Variants in RAB5A observed in about 807,000 individuals in gnomAD.
The protein encoded by RAB5A is RAB5A, member RAS oncogene family.
RAB5A carries 8 observed loss-of-function variants against 25.7 expected under a neutral mutation model. The observed-to-expected ratio is 0.31, with a 90% CI of 0.18 to 0.56. RAB5A has a LOEUF of 0.56. RAB5A is among the 20% of genes least tolerant of loss of function. RAB5A has a pLI of 0.91. For synonymous variants in RAB5A, 98 were observed against 89.8 expected (o/e 1.09, Z -0.52); for missense variants, 192 against 259.7 (o/e 0.74, Z 1.79).
intron 2 of RAB5A, among the ~76,000 whole-genome samples, chr3:19,960,111 T>G (rs1696564139): frequency 1.3e-5 from 2 of 152,118 alleles, no homozygotes; most frequent in Admixed American, 1.3e-4. Context: ...TTTGGCAAAC[T>G]GTTTCTCCCT....
At chr3:19,969,488 A>C (rs1696713162) in intron 2 of RAB5A, among the ~76,000 whole-genome samples, 2 of 152,186 alleles carry the variant, frequency 1.3e-5, no homozygotes, top group South Asian at 4.1e-4. Context: ...GTTTTTCTAA[A>C]CATTTATAAT....
Position 19,983,768 on chromosome 3 carries a change from G to A in RAB5A, c.593G>A (p.Gly198Glu), listed in dbSNP as rs1382009772. Residue 198 changes from glycine (G) to glutamate (E), a missense_variant, in exon 6 of 6, where the codon GGA becomes GAA. This residue lies in a region of RAB5A where 121 missense variants were observed against 135.7 expected (regional missense o/e 0.89). Coordinates refer to ENST00000273047, the MANE Select transcript of RAB5A (RefSeq NM_004162.5). ...GGAGCAAATTCTGCCAGAGGAAGAGGAGTAGACCTTACCGAACCCACACAA... is the reference window on the plus strand; with the variant it reads ...GGAGCAAATTCTGCCAGAGGAAGAGAAGTAGACCTTACCGAACCCACACAA... ...NPGANSARGR[G>E]VDLTEPTQPT... 3 of 1,612,594 alleles carry A rather than the reference G, an allele frequency of 1.9e-6. No individual in the cohort carries two copies. Among genetic ancestry groups the A allele is most frequent in the Non-Finnish European group, 2.5e-6 (3 of 1,179,098 alleles).
At chr3:19,970,885 T>C (rs986577458) in intron 2 of RAB5A, among the ~76,000 whole-genome samples, 42 of 152,134 alleles carry the variant, frequency 2.8e-4, no homozygotes, top group African/African-American at 9.7e-4. Flanking sequence ...CCGAGTTTTA[T>C]AGGGGAAATT....
At chr3:19,974,025 C>T (rs1161559470) in intron 2 of RAB5A, among the ~76,000 whole-genome samples, 2 of 152,118 alleles carry the variant, frequency 1.3e-5, no homozygotes, top group African/African-American at 4.8e-5. Flanking sequence ...GCTTGAATAT[C>T]ACACCTTGAG....
In RAB5A at chr3:19,951,680, G is replaced by A. The variant is rs571478178; in HGVS notation, c.163+619G>A. Among the ~76,000 whole-genome samples the A allele has an allele frequency of 1.1e-3, 153 of 140,472 alleles. 1 individual carries two copies. Among genetic ancestry groups the A allele is most frequent in the Non-Finnish European group, 1.7e-3 (111 of 65,676 alleles). 92.2% of individuals were successfully genotyped at this position (140,472 alleles called of 152,430 possible). On this transcript the variant is annotated intron_variant, in intron 2 of 5. Transcript: ENST00000273047. ...CCACCAAGTAGTTGGACCTAAGGGT[G>A]CATGCCACCATGCCAGGCAAGTTTT...
intron 5 of RAB5A, chr3:19,978,851 CATT>C (rs1374903311): frequency 1.3e-5 from 2 of 152,228 alleles, no homozygotes; most frequent in African/African-American, 4.8e-5. Flanking sequence ...TTAATGTAAA[CATT>C]ATAAGGAAGA....
intron 2 of RAB5A, among the ~76,000 whole-genome samples, chr3:19,969,030 GGTTTTTTTT>G (rs1458744988): frequency 8.9e-6 from 1 of 112,150 alleles, no homozygotes; most frequent in African/African-American, 4.5e-5. Context: ...TTTTGGTTTT[GGTTTTTTTT>G]TTTTGGTTTT....
intron 4 of RAB5A, among the ~76,000 whole-genome samples, chr3:19,977,435 G>A (rs528635089): frequency 1.3e-4 from 20 of 152,270 alleles, no homozygotes; most frequent in Admixed American, 1.2e-3. Flanking sequence ...CTAGAAGGGC[G>A]GTTGTGGCTG....
intron 2 of RAB5A, chr3:19,970,464 T>C (rs1262199445): frequency 9.3e-6 from 4 of 430,492 alleles, no homozygotes; most frequent in African/African-American, 4.1e-5. Flanking sequence ...GCTGATCACG[T>C]AGCTCAGAGG....
intron 4 of RAB5A, among the ~76,000 whole-genome samples, chr3:19,976,546 A>T (rs1450810389): frequency 6.6e-6 from 1 of 152,072 alleles, no homozygotes; most frequent in Non-Finnish European, 1.5e-5. Context: ...TTAGCTGGAG[A>T]TGGTAGTGCA....
intron 2 of RAB5A, among the ~76,000 whole-genome samples, chr3:19,963,376 C>CCCCCCG (rs869290360): frequency 1.8e-4 from 16 of 86,832 alleles, no homozygotes; most frequent in South Asian, 1.6e-3. Flanking sequence ...CCCCCCCCCC[C>CCCCCCG]CCGACTTATT....
chr3:19,975,309 CTG>C (rs1323717554), intron 2 of RAB5A, among the ~76,000 whole-genome samples: 1 of 151,602 alleles, frequency 6.6e-6, no homozygotes, highest in Non-Finnish European at 1.5e-5. Flanking sequence ...GTTTTTCAAT[CTG>C]TGATTTCACT....
intron 2 of RAB5A, among the ~76,000 whole-genome samples, chr3:19,975,145 G>A (rs1258875870): frequency 6.6e-6 from 1 of 151,158 alleles, no homozygotes; most frequent in African/African-American, 2.4e-5. Context: ...AGAATTGCTT[G>A]AACCCGGGAG....
At chr3:19,972,325 G>C (rs1037456232) in intron 2 of RAB5A, among the ~76,000 whole-genome samples, 2 of 152,118 alleles carry the variant, frequency 1.3e-5, no homozygotes, top group African/African-American at 2.4e-5. Flanking sequence ...TCAGATAAGG[G>C]ATACTTAACC....
chr3:19,966,205 C>G (rs1347548067), intron 2 of RAB5A, among the ~76,000 whole-genome samples: 3 of 152,186 alleles, frequency 2.0e-5, no homozygotes, highest in Non-Finnish European at 4.4e-5. Flanking sequence ...ACCCCTTCTT[C>G]CCGTGTCTGG....
chr3:19,961,792 A>G (rs1020540601), intron 2 of RAB5A, among the ~76,000 whole-genome samples: 7 of 152,308 alleles, frequency 4.6e-5, no homozygotes, highest in Admixed American at 2.0e-4. Flanking sequence ...AGTTACTACT[A>G]TACTCAAATC....
At chr3:19,970,810 C>G (rs1320946883) in intron 2 of RAB5A, 1 of 309,408 alleles carries the variant, frequency 3.2e-6, no homozygotes, top group East Asian at 8.8e-5. Flanking sequence ...TTATAAATTA[C>G]TAGTAATGTA....
chr3:19,950,112 A>G (rs2125177279), intron 1 of RAB5A, among the ~76,000 whole-genome samples: 1 of 152,352 alleles, frequency 6.6e-6, no homozygotes, highest in East Asian at 1.9e-4. Context: ...TATTGTAAGT[A>G]AATAAGTCAG....
In RAB5A at chr3:19,947,279, C is replaced by CGGCGGCGGCGGCGGAGGA. The variant is rs1696319345; in HGVS notation, c.-328_-327insCGGCGGAGGAGGCGGCGG. On this transcript the variant is annotated 5_prime_UTR_variant, in exon 1 of 6. Transcript: ENST00000273047. The stretch of plus-strand genomic sequence containing the variant: ...GGAACTCCAGCGCCGGCGGCGGCGG[C>CGGCGGCGGCGGCGGAGGA]GGCGGCGGAGGAGGAGAAAGGAAAG... The CGGCGGCGGCGGCGGAGGA allele has an allele frequency of 5.0e-6, 1 of 200,840 alleles. No individual in the cohort carries two copies. The highest frequency in any genetic ancestry group is 9.7e-6 in the Non-Finnish European group (1 of 103,334). 12.4% of individuals were successfully genotyped at this position (200,840 alleles called of 1,614,324 possible). A position where few individuals can be genotyped will look rare whatever the true frequency, so the allele number is the denominator to read the frequency against.
Sources: gnomAD v4.1 joint callset for allele counts (sites outside exome capture counted in the v4.1 genomes callset) on GRCh38, gnomAD v4.1.1 for gene constraint, gnomAD v4.1.1 regional missense constraint, MANE v1.5 for transcripts, NCBI Gene and HGNC (gene_info 2026-07-23, HGNC 2026-07-21) for gene names.